Variants in ATXN10 observed in about 807,000 individuals in gnomAD.
The protein encoded by ATXN10 is ataxin-10.
ATXN10 carries 28 observed loss-of-function variants against 52.9 expected under a neutral mutation model. That is an observed-to-expected ratio of 0.53 (90% confidence interval 0.39 to 0.73). The LOEUF (loss-of-function observed/expected upper bound fraction) is 0.73, where lower values mean the gene tolerates loss of function less well. ATXN10 is among the 30% of genes least tolerant of loss of function. ATXN10 has a pLI of 0.00. For synonymous variants in ATXN10, 226 were observed against 221.5 expected, an observed-to-expected ratio of 1.02 and a Z score of -0.18; for missense variants, 565 against 577.0, an observed-to-expected ratio of 0.98 and a Z score of 0.21.
rs1818221976 is a variant in ATXN10 at position 45,845,288 on chromosome 22, G to A, written c.*1617G>A. ...TAATAACAAACACAAATAAATAAAA[G>A]GGAGCCTTGTGAGAATACAGAATGG... On this transcript the variant is annotated 3_prime_UTR_variant, in exon 12 of 12. Coordinates refer to ENST00000252934, the MANE Select transcript of ATXN10 (RefSeq NM_013236.4). The surrounding 1 kb of genome is among the most constrained non-coding windows in gnomAD (Gnocchi z 4.7). The A allele has an allele frequency of 6.6e-6, 1 of 152,160 alleles. No homozygotes were observed. The highest frequency in any genetic ancestry group is 2.4e-5 in the African/African-American group (1 of 41,414). The allele number at this position is 152,160 out of a possible 1,614,324, so 9.4% of individuals were successfully genotyped here.
chr22:45,741,116 G>A (rs1925518219), intron 9 of ATXN10, among the ~76,000 whole-genome samples: 3 of 152,130 alleles, frequency 2.0e-5, no homozygotes, highest in Admixed American at 1.3e-4. Flanking sequence ...TCGCCTTTCT[G>A]TATTTTTCTG....
Position 45,705,957 on chromosome 22 carries a change from C to T in ATXN10, c.647+3110C>T, listed in dbSNP as rs1300831111. On this transcript the variant is annotated intron_variant, in intron 5 of 11. Transcript: ENST00000252934. This position sits in a 1 kb window ranked among gnomAD's most constrained non-coding sequence, Gnocchi z 5.2. ...TGAGCGCCACTTCTTGTCAGATCAT[C>T]AGCCACATTCGATTCTCTTAGGAGC... Among the ~76,000 whole-genome samples, 1 of 152,212 alleles carries T rather than the reference C, an allele frequency of 6.6e-6. No individual in the cohort carries two copies. Among genetic ancestry groups the T allele is most frequent in the East Asian group, 1.9e-4 (1 of 5,196 alleles).
chr22:45,798,830 A>G (rs1257207509), intron 9 of ATXN10, among the ~76,000 whole-genome samples: 2 of 152,254 alleles, frequency 1.3e-5, no homozygotes, highest in Non-Finnish European at 2.9e-5. Flanking sequence ...AATTAATTAT[A>G]TAAAACTAGC....
At chr22:45,748,843 C>T (rs1241382478) in intron 9 of ATXN10, among the ~76,000 whole-genome samples, 2 of 152,136 alleles carry the variant, frequency 1.3e-5, no homozygotes, top group African/African-American at 4.8e-5. Context: ...ACTTACAGTT[C>T]CTGTAACAGT....
intron 9 of ATXN10, among the ~76,000 whole-genome samples, chr22:45,752,625 C>T (rs975630251): frequency 2.6e-5 from 4 of 151,894 alleles, no homozygotes; most frequent in East Asian, 3.8e-4. Context: ...CTTGGCTGCA[C>T]GATGGGCTCT....
rs527267492 is a variant in ATXN10 at position 45,783,857 on chromosome 22, A to G, written c.1174-23102A>G. 2.6e-5 allele frequency among the ~76,000 whole-genome samples: 4 copies of G among 152,318 alleles called. No individual in the cohort carries two copies. In the East Asian group the frequency reaches 5.8e-4, roughly 22 times the overall value. On this transcript the variant is annotated intron_variant, in intron 9 of 11. Transcript: ENST00000252934. This position sits in a 1 kb window ranked among gnomAD's most constrained non-coding sequence, Gnocchi z 5.0. ...GTCATGTTTGTGTCATGCTGATGGC[A>G]CGATTCCCGAGGGCACCGAGGAAAT... is the stretch of plus-strand genomic sequence containing the variant.
In ATXN10 at chr22:45,826,731, G is replaced by A. The variant is rs1436737306; in HGVS notation, c.1238-16260G>A. 3.3e-5 allele frequency among the ~76,000 whole-genome samples: 5 copies of A among 152,172 alleles called. No individual in the cohort carries two copies. The highest frequency in any genetic ancestry group is 5.9e-5 in the Non-Finnish European group (4 of 68,020). ...GGGATAAATTAAGGCATTCACAGACGAACAAAAGCTGATGGAGTTTGTTAC... is the reference window on the plus strand; with the variant it reads ...GGGATAAATTAAGGCATTCACAGACAAACAAAAGCTGATGGAGTTTGTTAC... On this transcript the variant is annotated intron_variant, in intron 10 of 11. Transcript: ENST00000252934. The surrounding 1 kb of genome is among the most constrained non-coding windows in gnomAD (Gnocchi z 5.0).
chr22:45,814,349 T>C (rs978085300), intron 10 of ATXN10, among the ~76,000 whole-genome samples: 4 of 152,110 alleles, frequency 2.6e-5, no homozygotes, highest in African/African-American at 9.7e-5. Context: ...ATCCAAATGG[T>C]TAGTAAGCAT....
chr22:45,807,090 C>A, intron 10 of ATXN10, 68 bp downstream of exon 10: 2 of 1,289,480 alleles, frequency 1.6e-6, no homozygotes, highest in Non-Finnish European at 2.3e-6. Flanking sequence ...AAGTCCCTTG[C>A]CTCATGTTCA....
intron 10 of ATXN10, among the ~76,000 whole-genome samples, chr22:45,827,783 G>A (rs1928863354): frequency 6.6e-6 from 1 of 152,140 alleles, no homozygotes; most frequent in Non-Finnish European, 1.5e-5. Context: ...AGATCTAACA[G>A]ACATACACAG....
At chr22:45,794,520 C>CA (rs1357039714) in intron 9 of ATXN10, among the ~76,000 whole-genome samples, 1 of 150,530 alleles carries the variant, frequency 6.6e-6, no homozygotes, top group African/African-American at 2.4e-5. Context: ...TTAATGTTTA[C>CA]AAATAACCAG....
At chr22:45,738,662 A>G in intron 7 of ATXN10, 69 bp from the exon 8 acceptor site, 1 of 1,234,976 alleles carries the variant, frequency 8.1e-7, no homozygotes, top group Non-Finnish European at 1.2e-6. Flanking sequence ...ATTCTCTTAC[A>G]GTTATTTATA....
intron 6 of ATXN10, among the ~76,000 whole-genome samples, chr22:45,725,775 C>G (rs1924845453): frequency 6.6e-6 from 1 of 152,042 alleles, no homozygotes. Context: ...ATCTTTTTCC[C>G]CATTAAGTAT....
intron 9 of ATXN10, among the ~76,000 whole-genome samples, chr22:45,756,732 A>G (rs1926186727): frequency 6.6e-6 from 1 of 152,176 alleles, no homozygotes; most frequent in African/African-American, 2.4e-5. Flanking sequence ...ATCTTATGTT[A>G]CAAATCCTTC....
intron 1 of ATXN10, chr22:45,679,816 CT>C (rs1361842232): frequency 6.6e-6 from 1 of 152,232 alleles, no homozygotes; most frequent in African/African-American, 2.4e-5. Flanking sequence ...GTAAGGTGTT[CT>C]GACTCAGCTT....
In ATXN10 at chr22:45,786,590, G is replaced by C. The variant is rs1448870951; in HGVS notation, c.1174-20369G>C. ...TACTTAGGTCTCGTACCCACTCCAA[G>C]TGCAATGCTGCGGGCACATCTCAGC... On this transcript the variant is annotated intron_variant, in intron 9 of 11. Transcript: ENST00000252934. The surrounding 1 kb of genome is among the most constrained non-coding windows in gnomAD (Gnocchi z 4.1). 6.6e-6 allele frequency among the ~76,000 whole-genome samples: 1 copy of C among 152,206 alleles called. No homozygotes were observed. Among genetic ancestry groups the C allele is most frequent in the Non-Finnish European group, 1.5e-5 (1 of 68,044 alleles).
intron 10 of ATXN10, among the ~76,000 whole-genome samples, chr22:45,817,899 A>G (rs891127302): frequency 6.6e-6 from 1 of 152,122 alleles, no homozygotes; most frequent in Non-Finnish European, 1.5e-5. Flanking sequence ...GTCACCATTC[A>G]AACAGACTCA....
intron 6 of ATXN10, among the ~76,000 whole-genome samples, chr22:45,722,396 G>A (rs1924688092): frequency 6.6e-6 from 1 of 152,192 alleles, no homozygotes; most frequent in Non-Finnish European, 1.5e-5. Context: ...AATGGCAGAT[G>A]ACTTAATGTA....
At chr22:45,717,903 A>G (rs1009417884) in intron 5 of ATXN10, among the ~76,000 whole-genome samples, 3 of 152,156 alleles carry the variant, frequency 2.0e-5, no homozygotes, top group Non-Finnish European at 4.4e-5. Flanking sequence ...TGGGGTTTCC[A>G]TAAGTTGATC....
Sources: allele counts gnomAD v4.1 joint callset (sites outside exome capture counted in the v4.1 genomes callset), GRCh38; gene constraint gnomAD v4.1.1; non-coding constraint Gnocchi (gnomAD v3.1); transcripts MANE v1.5; gene names NCBI Gene and HGNC (gene_info 2026-07-23, HGNC 2026-07-21).